NR1H4: variants seen among roughly 807,000 people sequenced by gnomAD.
The protein encoded by NR1H4 is nuclear receptor subfamily 1 group H member 4.
A neutral mutation model predicts 58.5 loss-of-function variants in NR1H4; 23 were observed. That is an observed-to-expected ratio of 0.39 (90% CI 0.28 to 0.56). NR1H4 has a LOEUF of 0.56. Among genes scored for constraint, NR1H4 ranks in the 20% least tolerant of loss-of-function variants. The pLI is 0.58. For synonymous variants in NR1H4, 214 were observed against 198.0 expected (o/e 1.08, Z -0.68); for missense variants, 487 against 576.9 (o/e 0.84, Z 1.60).
intron 9 of NR1H4, among the ~76,000 whole-genome samples, chr12:100,551,694 A>G (rs1464824465): frequency 1.3e-5 from 2 of 152,226 alleles, no homozygotes; most frequent in Non-Finnish European, 2.9e-5. Context: ...TGTATTTCCC[A>G]AGCTTTTTGT....
At chr12:100,478,651 AT>A (rs143043616) in intron 1 of NR1H4, among the ~76,000 whole-genome samples, 2,133 of 152,328 alleles carry the variant, frequency 0.014, 23 homozygotes, top group Non-Finnish European at 0.023. Flanking sequence ...AGTTGATACT[AT>A]AGAGCACAGT....
At chr12:100,497,427 G>C (rs1953740729) in intron 3 of NR1H4, among the ~76,000 whole-genome samples, 1 of 152,124 alleles carries the variant, frequency 6.6e-6, no homozygotes, top group Non-Finnish European at 1.5e-5. Context: ...CGGGCTGAAG[G>C]GATGTGACAG....
intron 1 of NR1H4, among the ~76,000 whole-genome samples, chr12:100,490,667 T>C (rs995883333): frequency 6.6e-6 from 1 of 152,330 alleles, no homozygotes; most frequent in East Asian, 1.9e-4. Context: ...AGTATCATGA[T>C]TCATATATGT....
At chr12:100,527,233 A>G (rs1954581216) in intron 4 of NR1H4, among the ~76,000 whole-genome samples, 1 of 152,264 alleles carries the variant, frequency 6.6e-6, no homozygotes, top group South Asian at 2.1e-4. Context: ...GCAGTGGTTA[A>G]GAGCACAGAG....
intron 3 of NR1H4, among the ~76,000 whole-genome samples, chr12:100,507,831 C>A (rs1449237366): frequency 6.6e-6 from 1 of 152,100 alleles, no homozygotes; most frequent in Non-Finnish European, 1.5e-5. Context: ...ATACTGTATA[C>A]CATGTGTTCT....
intron 4 of NR1H4, among the ~76,000 whole-genome samples, chr12:100,518,573 A>T (rs1170536363): frequency 1.3e-5 from 2 of 152,074 alleles, no homozygotes; most frequent in African/African-American, 4.8e-5. Flanking sequence ...GGATTGGCAC[A>T]TTTTTTTCTG....
At chr12:100,478,224 A>G (rs145824586) in intron 1 of NR1H4, among the ~76,000 whole-genome samples, 109 of 152,318 alleles carry the variant, frequency 7.2e-4, no homozygotes, top group African/African-American at 2.4e-3. Flanking sequence ...GGCTCTCCAT[A>G]CATTTTGTTC....
chr12:100,552,843 C>A (rs985509227), intron 9 of NR1H4, among the ~76,000 whole-genome samples: 2 of 152,194 alleles, frequency 1.3e-5, no homozygotes, highest in Admixed American at 1.3e-4. Context: ...TGCTTGAGCC[C>A]CCAGGAGGCC....
At chr12:100,553,293 C>T (rs949871737) in intron 9 of NR1H4, among the ~76,000 whole-genome samples, 11 of 152,092 alleles carry the variant, frequency 7.2e-5, no homozygotes, top group African/African-American at 1.9e-4. Flanking sequence ...TCACTGCGCC[C>T]GGCCGATTCC....
intron 8 of NR1H4, among the ~76,000 whole-genome samples, chr12:100,538,132 G>A (rs538359254): frequency 2.0e-5 from 3 of 152,184 alleles, no homozygotes; most frequent in Middle Eastern, 3.4e-3. Flanking sequence ...TAGACAATAA[G>A]GTAAGTTGGT....
chr12:100,554,704 T>G (rs528756532), intron 9 of NR1H4, among the ~76,000 whole-genome samples: 20 of 152,252 alleles, frequency 1.3e-4, no homozygotes, highest in African/African-American at 4.6e-4. Context: ...AGCCCCCCCT[T>G]GTGACCAAAA....
intron 8 of NR1H4, among the ~76,000 whole-genome samples, chr12:100,540,303 T>C (rs1247957565): frequency 2.0e-5 from 3 of 152,196 alleles, no homozygotes; most frequent in Admixed American, 6.5e-5. Flanking sequence ...AAAGTTTTCT[T>C]CTGGCTTGTA....
chr12:100,511,193 T>C, intron 4 of NR1H4, 50 bp downstream of exon 4: 7 of 1,613,140 alleles, frequency 4.3e-6, no homozygotes, highest in Non-Finnish European at 5.9e-6. Context: ...ACTATATTGG[T>C]TGTTGAAATC....
At chr12:100,516,605 A>T (rs1034224981) in intron 4 of NR1H4, among the ~76,000 whole-genome samples, 5 of 152,100 alleles carry the variant, frequency 3.3e-5, no homozygotes, top group African/African-American at 4.8e-5. Flanking sequence ...TGACCTCGTG[A>T]TCCGCCCGCC....
At position 100,474,005 on chromosome 12, in the gene NR1H4, A is replaced by T. The variant is rs1953216548; in HGVS notation, c.-244A>T. The T allele has an allele frequency of 6.6e-6, 1 of 152,188 alleles. No individual in the cohort carries two copies. Among genetic ancestry groups the T allele is most frequent in the Non-Finnish European group, 1.5e-5 (1 of 68,042 alleles). 9.4% of individuals were successfully genotyped at this position (152,188 alleles called of 1,614,324 possible). A position where few individuals can be genotyped will look rare whatever the true frequency, so the allele number is the denominator to read the frequency against. On this transcript the variant is annotated 5_prime_UTR_variant, in exon 1 of 11. Transcript: ENST00000392986. ...CGCTGGGATCTGGAGAGGAAGACTCAGTCCAGAATCCTCCCAGGGCCTTGA... is the reference window on the plus strand; with the variant it reads ...CGCTGGGATCTGGAGAGGAAGACTCTGTCCAGAATCCTCCCAGGGCCTTGA...
chr12:100,536,408 T>A (rs1954813889), intron 6 of NR1H4, 104 bp from the exon 7 acceptor site: 5 of 710,968 alleles, frequency 7.0e-6, no homozygotes, highest in Non-Finnish European at 1.3e-5. Flanking sequence ...ATGCCTTTTT[T>A]TTTTTATGAT....
chr12:100,477,996 A>G (rs1953305405), intron 1 of NR1H4, among the ~76,000 whole-genome samples: 1 of 152,212 alleles, frequency 6.6e-6, no homozygotes, highest in South Asian at 2.1e-4. Flanking sequence ...TCTATATGAT[A>G]TTACCAATGG....
intron 1 of NR1H4, among the ~76,000 whole-genome samples, chr12:100,483,385 T>C (rs1953422643): frequency 6.6e-6 from 1 of 152,224 alleles, no homozygotes; most frequent in South Asian, 2.1e-4. Context: ...AAATATTAAA[T>C]TTTATTTTAA....
At chr12:100,507,424 A>G (rs886803564) in intron 3 of NR1H4, among the ~76,000 whole-genome samples, 5 of 151,936 alleles carry the variant, frequency 3.3e-5, no homozygotes, top group Non-Finnish European at 7.4e-5. Flanking sequence ...TCCATCAGAC[A>G]TACTCGTTTT....
Sources: allele counts gnomAD v4.1 joint callset (sites outside exome capture counted in the v4.1 genomes callset), GRCh38; gene constraint gnomAD v4.1.1; transcripts MANE v1.5; gene names NCBI Gene and HGNC (gene_info 2026-07-23, HGNC 2026-07-21).